The following SEC16A variants were observed in gnomAD, a reference collection of about 807,000 sequenced individuals.
SEC16A encodes SEC16 homolog A, endoplasmic reticulum export factor.
SEC16A carries 110 observed loss-of-function variants against 221.9 expected under a neutral mutation model. That is an observed-to-expected ratio of 0.50 (90% confidence interval 0.42 to 0.58). The LOEUF (loss-of-function observed/expected upper bound fraction) is 0.58, where lower values mean the gene tolerates loss of function less well. Among genes scored for constraint, SEC16A ranks in the 20% least tolerant of loss-of-function variants. The pLI is 0.00. For missense variants in SEC16A, 3,165 were observed against 3,097.8 expected, an observed-to-expected ratio of 1.02 and a Z score of -0.52; for synonymous variants, 1,393 against 1,257.7, an observed-to-expected ratio of 1.11 and a Z score of -2.28.
In SEC16A at chr9:136,472,071, T is replaced by A. The variant is rs772157297; in HGVS notation, c.3608A>T (p.Asp1203Val). ...CTGGGCGTAAGCAGACGCAGCACCA[T>A]CATAGGGCCTGTATCGAGGCTCATA... ...SLYEPRYRPY[D>V]GAASAYAQNY... The change falls in exon 4 of 32, where the codon GAT becomes GTT. Residue 1203 changes from aspartate (D) to valine (V), a missense_variant. By Grantham distance (152) the Asp-to-Val change is radical. Around this residue, in one of 3 missense-constraint regions of SEC16A, gnomAD observed 2,030 missense variants for 1,923.1 expected, o/e 1.06. Transcript: ENST00000684901. 2 of 1,613,496 alleles carry A rather than the reference T, an allele frequency of 1.2e-6. No individual in the cohort carries two copies. Among genetic ancestry groups the A allele is most frequent in the Admixed American group, 3.3e-5 (2 of 59,990 alleles).
chr9:136,455,921 A>C (rs1052754116), intron 19 of SEC16A, 128 bp from the exon 20 acceptor site: 4 of 1,183,652 alleles, frequency 3.4e-6, no homozygotes, highest in Non-Finnish European at 4.8e-6. Flanking sequence ...CTTTCTGGGG[A>C]ATTAGGGAAT....
At chr9:136,468,083 G>A (rs930517515) in intron 5 of SEC16A, among the ~76,000 whole-genome samples, 9 of 152,194 alleles carry the variant, frequency 5.9e-5, no homozygotes, top group African/African-American at 1.7e-4. Flanking sequence ...CTTTTCATCC[G>A]TTTATGTTTA....
In SEC16A at chr9:136,483,039, C is replaced by G; in HGVS notation, c.-293G>C. ...AGCCGCCGCAGCCATCTTGGCACAT[C>G]CGGCTCGGGTCTCCGCGGCCGCCGC... is the stretch of plus-strand genomic sequence containing the variant. On this transcript the variant is annotated 5_prime_UTR_variant, in exon 1 of 32. Transcript: ENST00000684901. 2 of 985,040 alleles carry G rather than the reference C, an allele frequency of 2.0e-6. No homozygotes were observed. The highest frequency in any genetic ancestry group is 2.4e-6 in the Non-Finnish European group (2 of 829,634). The allele number at this position is 985,040 out of a possible 1,614,324, so 61.0% of individuals were successfully genotyped here. A position where few individuals can be genotyped will look rare whatever the true frequency, so the allele number is the denominator to read the frequency against.
At chr9:136,458,252 A>G (rs1838978534) in intron 17 of SEC16A, among the ~76,000 whole-genome samples, 1 of 150,916 alleles carries the variant, frequency 6.6e-6, no homozygotes, top group Non-Finnish European at 1.5e-5. Flanking sequence ...TACAGGCATG[A>G]GCCGCCATGC....
Position 136,448,134 on chromosome 9 carries a change from G to A in SEC16A, c.6340C>T (p.Pro2114Ser), listed in dbSNP as rs1376077720. Residue 2114 changes from proline to serine, a missense_variant, in exon 24 of 32, where the codon CCT becomes TCT. Around this residue, in one of 3 missense-constraint regions of SEC16A, gnomAD observed 1,088 missense variants for 1,089.6 expected, o/e 1.00. Transcript: ENST00000684901. ...TAAGCTTCTGTCTTTTTCTTTCCAG[G>A]TAGCCAACGAAAGAACCAGGATTCA... is the stretch of plus-strand genomic sequence containing the variant. ...KGESWFFRWL[P>S]GKKKTEAYLP... 3 of 1,613,410 alleles carry A rather than the reference G, an allele frequency of 1.9e-6. No homozygotes were observed. Among genetic ancestry groups the A allele is most frequent in the Non-Finnish European group, 2.5e-6 (3 of 1,179,720 alleles).
At position 136,455,586 on chromosome 9, in the gene SEC16A, C is replaced by T. The variant is rs373561946; in HGVS notation, c.5857+15G>A. The T allele has an allele frequency of 2.3e-5, 35 of 1,539,104 alleles. No individual in the cohort carries two copies. In the East Asian group the frequency reaches 2.9e-4, roughly 13 times the overall value. On this transcript the variant is annotated intron_variant, in intron 20 of 31. Transcript: ENST00000684901. Reference sequence around the variant, plus strand: ...GGGGCTTGTCTGAGGGCAGCAGCCGCGCACCTGGGCTCACCTGAGGGCAGC... The same window carrying T: ...GGGGCTTGTCTGAGGGCAGCAGCCGTGCACCTGGGCTCACCTGAGGGCAGC...
rs1840137589 is a variant in SEC16A, at chr9:136,466,240, TG to T, written c.4128+23del. 6.3e-7 allele frequency: 1 copy of T among 1,589,730 alleles called. No homozygotes were observed. Among genetic ancestry groups the T allele is most frequent in the Non-Finnish European group, 8.6e-7 (1 of 1,165,960 alleles). ...GTGGTTCTAAACACAACCGTCCGCGTGTCTGTGAGGCGCCGCCGCGTACCTG... is the reference window on the plus strand; with the variant it reads ...GTGGTTCTAAACACAACCGTCCGCGTTCTGTGAGGCGCCGCCGCGTACCTG... On this transcript the variant is annotated intron_variant, in intron 7 of 31. Coordinates refer to ENST00000684901, the MANE Select transcript of SEC16A (RefSeq NM_014866.2). The surrounding 1 kb of genome is among the most constrained non-coding windows in gnomAD (Gnocchi z 5.5).
intron 12 of SEC16A, 94 bp from the exon 13 acceptor site, chr9:136,461,368 T>C: frequency 1.1e-6 from 1 of 883,532 alleles, no homozygotes; most frequent in East Asian, 2.6e-5. Context: ...CAGCAGCAGA[T>C]ACACAAACAA....
At chr9:136,461,310 C>T (rs369798834) in intron 12 of SEC16A, 36 bp from the exon 13 acceptor site, 163 of 1,483,672 alleles carry the variant, frequency 1.1e-4, no homozygotes, top group Non-Finnish European at 1.3e-4. Flanking sequence ...GGTGGGTTAT[C>T]GGCGGCGCTC....
intron 23 of SEC16A, among the ~76,000 whole-genome samples, chr9:136,450,735 TTAGGA>T (rs1206952607): frequency 6.6e-6 from 1 of 152,134 alleles, no homozygotes; most frequent in Non-Finnish European, 1.5e-5. Flanking sequence ...AACCAACCAT[TTAGGA>T]CAACTGCTCA....
At chr9:136,445,621 G>C (rs954536092) in intron 29 of SEC16A, 24 bp downstream of exon 29, 1 of 1,530,930 alleles carries the variant, frequency 6.5e-7, no homozygotes, top group African/African-American at 1.4e-5. Flanking sequence ...GGCTGCGGGG[G>C]GCCCTGGCGT....
In SEC16A at chr9:136,447,237, C is replaced by A; in HGVS notation, c.6687G>T (p.Val2229=). Residue 2229 remains valine (V), a synonymous_variant, in exon 27 of 32, where the codon GTG becomes GTT. Transcript: ENST00000684901. This position sits in a 1 kb window ranked among gnomAD's most constrained non-coding sequence, Gnocchi z 5.5. ...APLPIPSNLF[V]PTPDAEEPQL... Reference sequence around the variant, plus strand: ...GCTCGTGCTACCTACCTGGGGTTGGCACGAACAAGTTAGAAGGAATTGGGA... The same window carrying A: ...GCTCGTGCTACCTACCTGGGGTTGGAACGAACAAGTTAGAAGGAATTGGGA... The A allele has an allele frequency of 6.3e-7, 1 of 1,594,162 alleles. No homozygotes were observed. Among genetic ancestry groups the A allele is most frequent in the Non-Finnish European group, 8.5e-7 (1 of 1,171,314 alleles).
intron 1 of SEC16A, among the ~76,000 whole-genome samples, chr9:136,482,633 G>A (rs1193684796): frequency 1.3e-5 from 2 of 152,250 alleles, no homozygotes; most frequent in East Asian, 3.9e-4. Flanking sequence ...AGAGTCTTAC[G>A]AGGGGTGCCT....
At chr9:136,469,868 A>G (rs1280241430) in intron 4 of SEC16A, among the ~76,000 whole-genome samples, 1 of 152,144 alleles carries the variant, frequency 6.6e-6, no homozygotes, top group African/African-American at 2.4e-5. Flanking sequence ...GTCCCCCTAC[A>G]TCCAACTGCT....
chr9:136,474,948 T>C lies in SEC16A; in HGVS notation c.2668A>G (p.Thr890Ala), dbSNP rs577515946. The C allele has an allele frequency of 1.2e-5, 20 of 1,613,800 alleles. No individual in the cohort carries two copies. Among genetic ancestry groups the C allele is most frequent in the African/African-American group, 2.7e-5 (2 of 75,024 alleles). The change falls in exon 3 of 32, where the codon ACC (threonine) becomes GCC (alanine). Residue 890 changes from threonine (T) to alanine (A), a missense_variant. By Grantham distance (58) the Thr-to-Ala change is moderately conservative. This residue lies in a region of SEC16A where 2,030 missense variants were observed against 1,923.1 expected (regional missense o/e 1.06). Transcript: ENST00000684901. ...GENTSLSGIP[T>A]SSVLSLSLPS... ...AGAGACAAGCTAAGGACAGAGCTGG[T>C]TGGAATCCCAGACAAAGAAGTGTTC...
intron 9 of SEC16A, 120 bp from the exon 10 acceptor site, chr9:136,463,860 C>T (rs985315930): frequency 7.0e-6 from 7 of 998,034 alleles, no homozygotes; most frequent in African/African-American, 4.7e-5. Flanking sequence ...CCACCTGCCC[C>T]GCCCCACAGC....
At chr9:136,458,897 G>C (rs1474505351) in intron 17 of SEC16A, among the ~76,000 whole-genome samples, 2 of 152,042 alleles carry the variant, frequency 1.3e-5, no homozygotes, top group Non-Finnish European at 2.9e-5. Context: ...GTGAGACCCT[G>C]TCTCCCTTAA....
At position 136,447,062 on chromosome 9, in the gene SEC16A, C is replaced by A; in HGVS notation, c.6698-113G>T. 1 of 1,546,432 alleles carries A rather than the reference C, an allele frequency of 6.5e-7. No individual in the cohort carries two copies. Among genetic ancestry groups the A allele is most frequent in the Admixed American group, 2.1e-5 (1 of 46,718 alleles). On this transcript the variant is annotated intron_variant, in intron 27 of 31. Coordinates refer to ENST00000684901, the MANE Select transcript of SEC16A (RefSeq NM_014866.2). This position sits in a 1 kb window ranked among gnomAD's most constrained non-coding sequence, Gnocchi z 5.5. ...ACACTGCACACGCGGCACACTCATGCAGAAACAGGCAAATCAAAAAAAAAA... is the reference window on the plus strand; with the variant it reads ...ACACTGCACACGCGGCACACTCATGAAGAAACAGGCAAATCAAAAAAAAAA...
At chr9:136,445,768 G>A (rs1353994918) in intron 28 of SEC16A, 49 bp from the exon 29 acceptor site, 3 of 1,508,894 alleles carry the variant, frequency 2.0e-6, no homozygotes, top group East Asian at 2.5e-5. Flanking sequence ...GGGAATTTAA[G>A]TCTCTCACAC....
Sources: gnomAD v4.1 joint callset for allele counts (sites outside exome capture counted in the v4.1 genomes callset) on GRCh38, gnomAD v4.1.1 for gene constraint, gnomAD v4.1.1 regional missense constraint, Gnocchi (gnomAD v3.1) non-coding constraint, MANE v1.5 for transcripts, NCBI Gene and HGNC (gene_info 2026-07-23, HGNC 2026-07-21) for gene names.